Variants in KLF8 observed in about 807,000 individuals in gnomAD.
KLF8 encodes the protein Krueppel-like factor 8.
In KLF8, 10 loss-of-function variants were observed where a neutral mutation model predicts 18.2. The ratio of observed to expected loss-of-function variants is 0.55; its 90% CI spans 0.34 to 0.93. The LOEUF (loss-of-function observed/expected upper bound fraction) is 0.93. Among genes scored for constraint, KLF8 ranks in the 40% least tolerant of loss-of-function variants. The probability of loss-of-function intolerance (pLI) is 0.02; values close to 1 mark genes in which losing one functional copy is unlikely to be tolerated. For missense variants in KLF8, 264 were observed against 277.9 expected (o/e 0.95, Z 0.36); for synonymous variants, 109 against 97.3 (o/e 1.12, Z -0.71).
At chrX:56,188,474 C>T in the KLF8 span, among the ~76,000 whole-genome samples, 6 of 111,418 alleles carry the variant, frequency 5.4e-5, no homozygotes, top group Admixed American at 9.6e-5. Flanking sequence ...CAATGCCATC[C>T]CCATCAAGCT....
At chrX:56,191,860 C>T in the KLF8 span, among the ~76,000 whole-genome samples, 3 of 111,408 alleles carry the variant, frequency 2.7e-5, no homozygotes, top group African/African-American at 9.8e-5. Context: ...GACAGACCCA[C>T]AGCTAGTATT....
At chrX:55,926,176 A>G in the KLF8 span, among the ~76,000 whole-genome samples, 5 of 111,754 alleles carry the variant, frequency 4.5e-5, 1 homozygote, top group South Asian at 1.9e-3. Context: ...AGAGATAAGG[A>G]TAAGCTGTAA....
the KLF8 span, among the ~76,000 whole-genome samples, chrX:55,970,674 A>T: frequency 0.02 from 2,221 of 111,290 alleles, 42 homozygotes; most frequent in Admixed American, 0.076. Flanking sequence ...ACCTAAAGAC[A>T]CCACGAAAAA....
chrX:55,945,230 T>C, the KLF8 span, among the ~76,000 whole-genome samples: 2 of 110,966 alleles, frequency 1.8e-5, no homozygotes, highest in South Asian at 7.7e-4. Flanking sequence ...TTACATTTGG[T>C]GAGGAGAGCT....
At chrX:56,269,099 A>T in intron 3 of KLF8, 1 of 921,971 alleles carries the variant, frequency 1.1e-6, no homozygotes, top group African/African-American at 2.0e-5. Flanking sequence ...CCCAGACCAC[A>T]TCCTAGAGAC....
the KLF8 span, among the ~76,000 whole-genome samples, chrX:56,174,491 G>A: frequency 8.9e-6 from 1 of 111,769 alleles, no homozygotes. Context: ...TGCTGGATTA[G>A]GTTTGCCAGT....
chrX:56,169,363 C>A, the KLF8 span, among the ~76,000 whole-genome samples: 3 of 110,968 alleles, frequency 2.7e-5, no homozygotes, highest in African/African-American at 9.8e-5. Flanking sequence ...CCAGCTTGGC[C>A]ACAGGAGGAT....
chrX:56,044,796 T>C, the KLF8 span, among the ~76,000 whole-genome samples: 1 of 112,555 alleles, frequency 8.9e-6, no homozygotes, highest in African/African-American at 3.2e-5. Flanking sequence ...TCTTAACTTG[T>C]GAGGTGCTGT....
intron 5 of KLF8, among the ~76,000 whole-genome samples, chrX:56,276,503 G>A (rs1425799185): frequency 9.0e-6 from 1 of 111,164 alleles, no homozygotes; most frequent in Non-Finnish European, 1.9e-5. Flanking sequence ...ATGTTTGAAG[G>A]ATATTTTCAC....
At chrX:56,177,002 G>A in the KLF8 span, among the ~76,000 whole-genome samples, 2 of 111,091 alleles carry the variant, frequency 1.8e-5, no homozygotes, top group Non-Finnish European at 3.8e-5. Flanking sequence ...GTAGCCATTC[G>A]TCTAATTTTT....
the KLF8 span, among the ~76,000 whole-genome samples, chrX:56,137,438 A>G: frequency 2.8e-5 from 3 of 106,601 alleles, no homozygotes; most frequent in African/African-American, 1.0e-4. Flanking sequence ...AAAAATGATG[A>G]GTTCATGTCC....
the KLF8 span, among the ~76,000 whole-genome samples, chrX:56,141,460 T>C: frequency 2.7e-5 from 3 of 111,694 alleles, no homozygotes; most frequent in Admixed American, 2.9e-4. Context: ...ATTTATAAAT[T>C]AAAGATTATT....
chrX:56,185,912 G>A, the KLF8 span, among the ~76,000 whole-genome samples: 1 of 112,034 alleles, frequency 8.9e-6, no homozygotes, highest in African/African-American at 3.2e-5. Context: ...ACCAGCCACT[G>A]CAAAAACATG....
At chrX:55,971,022 G>A in the KLF8 span, among the ~76,000 whole-genome samples, 2 of 110,992 alleles carry the variant, frequency 1.8e-5, no homozygotes, top group Non-Finnish European at 1.9e-5. Context: ...CAATCTCTAC[G>A]AAAATGCTAA....
the KLF8 span, among the ~76,000 whole-genome samples, chrX:55,989,040 G>A: frequency 9.0e-6 from 1 of 111,710 alleles, no homozygotes; most frequent in Non-Finnish European, 1.9e-5. Context: ...TGTGATTTTT[G>A]CACATTGATT....
the KLF8 span, among the ~76,000 whole-genome samples, chrX:56,171,635 T>A: frequency 9.0e-6 from 1 of 111,592 alleles, no homozygotes; most frequent in Non-Finnish European, 1.9e-5. Flanking sequence ...TGGATTTTTA[T>A]CCTTGTGATG....
At chrX:56,135,616 G>A in the KLF8 span, among the ~76,000 whole-genome samples, 1 of 109,689 alleles carries the variant, frequency 9.1e-6, no homozygotes, top group Non-Finnish European at 1.9e-5. Flanking sequence ...CGAGTTAATG[G>A]GTGCAGCACA....
chrX:56,148,762 C>T, the KLF8 span, among the ~76,000 whole-genome samples: 1 of 111,500 alleles, frequency 9.0e-6, no homozygotes, highest in Non-Finnish European at 1.9e-5. Flanking sequence ...ACCGTCAGAT[C>T]TCTTGAGACT....
At chrX:56,099,678 A>G in the KLF8 span, among the ~76,000 whole-genome samples, 1 of 111,832 alleles carries the variant, frequency 8.9e-6, no homozygotes, top group Non-Finnish European at 1.9e-5. Context: ...TGTTGATGAT[A>G]TGGAGTTTTA....
Sources: gnomAD v4.1 joint callset for allele counts (sites outside exome capture counted in the v4.1 genomes callset) on GRCh38, gnomAD v4.1.1 for gene constraint, MANE v1.5 for transcripts, NCBI Gene and HGNC (gene_info 2026-07-23, HGNC 2026-07-21) for gene names.